TMED10: variants seen among roughly 807,000 people sequenced by gnomAD.
TMED10 encodes transmembrane emp24 domain-containing protein 10.
A neutral mutation model predicts 23.1 loss-of-function variants in TMED10; 7 were observed. The observed-to-expected ratio is 0.30, with a 90% CI of 0.17 to 0.57. TMED10 has a LOEUF of 0.57. TMED10 is among the 20% of genes least tolerant of loss of function. The pLI, the probability that TMED10 is intolerant of heterozygous loss-of-function variation, is 0.91. For missense variants in TMED10, 162 were observed against 274.8 expected, an observed-to-expected ratio of 0.59 and a Z score of 2.90; for synonymous variants, 113 against 106.9, an observed-to-expected ratio of 1.06 and a Z score of -0.35.
intron 1 of TMED10, among the ~76,000 whole-genome samples, chr14:75,168,836 A>T (rs1896195355): frequency 6.6e-6 from 1 of 152,236 alleles, no homozygotes; most frequent in South Asian, 2.1e-4. Flanking sequence ...TCACAAAGTA[A>T]ACACTACACT....
At chr14:75,147,588 G>T in intron 3 of TMED10, 76 bp downstream of exon 3, 1 of 1,456,416 alleles carries the variant, frequency 6.9e-7, no homozygotes, top group Non-Finnish European at 9.6e-7. Flanking sequence ...AGCACAGCCT[G>T]TTGGCCTGCC....
intron 3 of TMED10, chr14:75,136,795 G>C (rs569721106): frequency 6.6e-6 from 1 of 152,118 alleles, no homozygotes; most frequent in South Asian, 2.1e-4. Context: ...GTTATCAAAA[G>C]AAATCTTCAA....
At chr14:75,154,583 T>C (rs1431168209) in intron 1 of TMED10, among the ~76,000 whole-genome samples, 1 of 152,056 alleles carries the variant, frequency 6.6e-6, no homozygotes, top group Non-Finnish European at 1.5e-5. Flanking sequence ...ATCTTCTAAA[T>C]TCCCTAATAA....
intron 1 of TMED10, among the ~76,000 whole-genome samples, chr14:75,167,139 A>C (rs985309260): frequency 9.2e-5 from 14 of 151,830 alleles, no homozygotes; most frequent in Non-Finnish European, 1.9e-4. Flanking sequence ...ACAGGGTTTC[A>C]CCATGTTGGC....
chr14:75,157,814 C>A (rs1225150724), intron 1 of TMED10, among the ~76,000 whole-genome samples: 1 of 151,826 alleles, frequency 6.6e-6, no homozygotes, highest in African/African-American at 2.4e-5. Flanking sequence ...GTGGCAGGTG[C>A]CTGTAATCCC....
At chr14:75,163,255 A>G (rs954181805) in intron 1 of TMED10, among the ~76,000 whole-genome samples, 13 of 151,926 alleles carry the variant, frequency 8.6e-5, no homozygotes, top group African/African-American at 3.1e-4. Flanking sequence ...ACAAACACAC[A>G]AACAAAAAAC....
At chr14:75,169,774 A>C (rs1005769896) in intron 1 of TMED10, among the ~76,000 whole-genome samples, 12 of 152,184 alleles carry the variant, frequency 7.9e-5, no homozygotes, top group African/African-American at 2.9e-4. Context: ...TGCCTAAAGC[A>C]GGGGTGGAAA....
intron 3 of TMED10, chr14:75,136,634 T>C (rs916142950): frequency 3.3e-5 from 5 of 152,256 alleles, no homozygotes; most frequent in African/African-American, 4.8e-5. Context: ...TGTGTTGTTA[T>C]AGCATTAAAG....
chr14:75,142,737 G>A (rs1477792354), intron 3 of TMED10, among the ~76,000 whole-genome samples: 1 of 152,180 alleles, frequency 6.6e-6, no homozygotes, highest in Non-Finnish European at 1.5e-5. Context: ...TAATTGACCT[G>A]TTCTGCCCAC....
At chr14:75,150,475 A>C (rs1895942168) in intron 2 of TMED10, among the ~76,000 whole-genome samples, 2 of 152,240 alleles carry the variant, frequency 1.3e-5, no homozygotes, top group Admixed American at 1.3e-4. Context: ...GTCATGCACT[A>C]CATGAAGACA....
intron 1 of TMED10, among the ~76,000 whole-genome samples, chr14:75,165,651 C>T (rs964930529): frequency 6.6e-6 from 1 of 152,178 alleles, no homozygotes; most frequent in Non-Finnish European, 1.5e-5. Context: ...AAAGCATGTA[C>T]AAAGTCTATC....
chr14:75,151,987 G>T, intron 2 of TMED10, 45 bp downstream of exon 2: 15 of 1,507,548 alleles, frequency 9.9e-6, no homozygotes, highest in Non-Finnish European at 1.3e-5. Flanking sequence ...GAGCATTAGA[G>T]TTGGAGAAGA....
intron 1 of TMED10, among the ~76,000 whole-genome samples, chr14:75,152,845 C>T (rs956210974): frequency 6.6e-6 from 1 of 152,024 alleles, no homozygotes; most frequent in Non-Finnish European, 1.5e-5. Flanking sequence ...CCTGGCTGGG[C>T]GCGGTGGCTC....
intron 1 of TMED10, among the ~76,000 whole-genome samples, chr14:75,162,732 C>T (rs1896099893): frequency 6.6e-6 from 1 of 151,830 alleles, no homozygotes; most frequent in Admixed American, 6.6e-5. Flanking sequence ...TGATCAAGGG[C>T]AGTATCAACG....
intron 1 of TMED10, among the ~76,000 whole-genome samples, chr14:75,173,196 G>A (rs1896256706): frequency 6.6e-6 from 1 of 152,136 alleles, no homozygotes; most frequent in Non-Finnish European, 1.5e-5. Flanking sequence ...GACCAGCCTG[G>A]GTAACATGGC....
At chr14:75,137,708 C>CTTTCT (rs780549850) in intron 3 of TMED10, among the ~76,000 whole-genome samples, 413 of 131,192 alleles carry the variant, frequency 3.1e-3, no homozygotes, top group African/African-American at 6.5e-3. Flanking sequence ...TTCTTTCTTT[C>CTTTCT]TTTTTTTTTT....
intron 1 of TMED10, among the ~76,000 whole-genome samples, chr14:75,155,005 T>C (rs1416193256): frequency 9.6e-5 from 14 of 146,370 alleles, no homozygotes; most frequent in African/African-American, 3.6e-4. Context: ...GTCACTCAGG[T>C]TGTAGGGCAG....
chr14:75,164,575 A>ATTTT (rs1261635916), intron 1 of TMED10, among the ~76,000 whole-genome samples: 1 of 29,740 alleles, frequency 3.4e-5, no homozygotes, highest in Admixed American at 3.8e-4. Flanking sequence ...ATATATATAT[A>ATTTT]TATTTTTTTT....
At chr14:75,154,316 C>T (rs1305075288) in intron 1 of TMED10, among the ~76,000 whole-genome samples, 2 of 139,820 alleles carry the variant, frequency 1.4e-5, no homozygotes, top group Non-Finnish European at 3.0e-5. Flanking sequence ...GCAGGATAAT[C>T]GCTTGAACCC....
Sources: gnomAD v4.1 joint callset for allele counts (sites outside exome capture counted in the v4.1 genomes callset) on GRCh38, gnomAD v4.1.1 for gene constraint, MANE v1.5 for transcripts, NCBI Gene and HGNC (gene_info 2026-07-23, HGNC 2026-07-21) for gene names.